ADORA2A: variants seen among roughly 807,000 people sequenced by gnomAD.
The protein encoded by ADORA2A is adenosine A2a receptor, also known as adenosine receptor A2a.
A neutral mutation model predicts 18.4 loss-of-function variants in ADORA2A; 11 were observed. That is an observed-to-expected ratio of 0.60 (90% CI 0.38 to 0.99). The LOEUF is 0.99. ADORA2A is among the 50% of genes least tolerant of loss of function. The pLI, the probability that ADORA2A is intolerant of heterozygous loss-of-function variation, is 0.01. For synonymous variants in ADORA2A, 218 were observed against 237.3 expected (o/e 0.92, Z 0.75); for missense variants, 449 against 556.1 (o/e 0.81, Z 1.94).
chr22:24,432,233 G>T (rs547397949), intron 1 of ADORA2A: 1 of 152,802 alleles, frequency 6.5e-6, no homozygotes, highest in Non-Finnish European at 1.5e-5. Flanking sequence ...TGGAGGCAGC[G>T]GGTTCGGGCG....
rs2043091565 is a variant in ADORA2A, at chr22:24,433,374, TC to T, written c.-29del. ...GGACCGTGAGCTGGCCCAGCCCGCGTCCGTGCTGAGCCTGCCTGTCGTCTGT... is the reference window on the plus strand; with the variant it reads ...GGACCGTGAGCTGGCCCAGCCCGCGTCGTGCTGAGCCTGCCTGTCGTCTGT... On this transcript the variant is annotated 5_prime_UTR_variant, in exon 2 of 3. An upstream open reading frame in the 5' UTR gains an earlier in-frame stop. Coordinates refer to ENST00000337539, the MANE Select transcript of ADORA2A (RefSeq NM_000675.6). 1 of 1,569,902 alleles carries T rather than the reference TC, an allele frequency of 6.4e-7. No homozygotes were observed. The highest frequency in any genetic ancestry group is 1.1e-5 in the South Asian group (1 of 87,958).
intron 2 of ADORA2A, chr22:24,438,230 C>T (rs1440839462): frequency 2.6e-5 from 4 of 152,324 alleles, no homozygotes; most frequent in Non-Finnish European, 5.9e-5. Context: ...GACAGGTCCA[C>T]GACTTGGTCC....
Position 24,441,222 on chromosome 22 carries a change from G to A in ADORA2A, c.972G>A (p.Leu324=), listed in dbSNP as rs2043332069. The change falls in exon 3 of 3, where the codon TTG becomes TTA. Residue 324 remains leucine, a synonymous_variant. Coordinates refer to ENST00000337539, the MANE Select transcript of ADORA2A (RefSeq NM_000675.6). ...CAGCTGGCACCAGTGCCCGGGTCTT[G>A]GCAGCTCATGGCAGTGACGGAGAGC... The part of the protein sequence containing the change: ...FKAAGTSARV[L]AAHGSDGEQV... 7 of 1,613,778 alleles carry A rather than the reference G, an allele frequency of 4.3e-6. No homozygotes were observed. In the East Asian group the frequency reaches 1.6e-4, roughly 36 times the overall value.
At chr22:24,428,898 C>G (rs1468829975) in intron 1 of ADORA2A, among the ~76,000 whole-genome samples, 1 of 152,208 alleles carries the variant, frequency 6.6e-6, no homozygotes, top group Non-Finnish European at 1.5e-5. Flanking sequence ...TTTGGCCCAG[C>G]AGTTGGGGTG....
In ADORA2A at chr22:24,439,072, C is replaced by CTTTTTTTTTTTTT. The variant is rs3032740; in HGVS notation, c.333-1494_333-1482dup. On this transcript the variant is annotated intron_variant, in intron 2 of 2. Transcript: ENST00000337539. Reference sequence around the variant, plus strand: ...GTAGAGCACATCCTTCCCCTTGCACCTTTTTTTTTTTTTTTTTTTTTTTTT... The same window carrying CTTTTTTTTTTTTT: ...GTAGAGCACATCCTTCCCCTTGCACCTTTTTTTTTTTTTTTTTTTTTTTTTTTTTTTTTTTTTT... Among the ~76,000 whole-genome samples, 35 of 73,102 alleles carry CTTTTTTTTTTTTT rather than the reference C, an allele frequency of 4.8e-4. 6 individuals carry two copies. Among genetic ancestry groups the CTTTTTTTTTTTTT allele is most frequent in the South Asian group, 6.8e-4 (1 of 1,478 alleles). The allele number at this position is 73,102 out of a possible 152,430, so 48.0% of individuals were successfully genotyped here.
upstream of ADORA2A, chr22:24,423,771 G>GA: frequency 6.6e-6 from 1 of 152,288 alleles, no homozygotes; most frequent in East Asian, 1.9e-4. Flanking sequence ...GTCCTTCCAG[G>GA]ATCGCCTGCG....
At chr22:24,433,804 C>A (rs2043107275) in intron 2 of ADORA2A, 68 bp downstream of exon 2, 2 of 1,498,576 alleles carry the variant, frequency 1.3e-6, no homozygotes, top group Non-Finnish European at 9.0e-7. Flanking sequence ...GTGCCCGGAG[C>A]CAGGGTGAGC....
rs1406190903 is a variant in ADORA2A, at chr22:24,440,837, T to C, written c.587T>C (p.Val196Ala). ...GTGCCCCTGCTGCTCATGCTGGGTG[T>C]CTATTTGCGGATCTTCCTGGCGGCG... ...VLVPLLLMLG[V>A]YLRIFLAARR... The change falls in exon 3 of 3, where the codon GTC (valine) becomes GCC (alanine). Residue 196 changes from valine (V) to alanine (A), a missense_variant. Transcript: ENST00000337539. 6 of 1,614,036 alleles carry C rather than the reference T, an allele frequency of 3.7e-6. No homozygotes were observed. The highest frequency in any genetic ancestry group is 4.2e-6 in the Non-Finnish European group (5 of 1,180,038).
chr22:24,429,896 C>G (rs991874953), intron 1 of ADORA2A: 1 of 152,314 alleles, frequency 6.6e-6, no homozygotes, highest in Non-Finnish European at 1.5e-5. Context: ...TCGTGGCCAG[C>G]TGACTCTGTG....
intron 1 of ADORA2A, among the ~76,000 whole-genome samples, chr22:24,428,275 G>A (rs1027970026): frequency 3.3e-5 from 5 of 152,206 alleles, no homozygotes; most frequent in Admixed American, 6.5e-5. Context: ...CCGAGCTCCC[G>A]CAAGCCACTT....
rs1335189410 is a variant in ADORA2A at position 24,433,132 on chromosome 22, T to C, written c.-273T>C. The C allele has an allele frequency of 1.6e-5, 9 of 559,214 alleles. No homozygotes were observed. Among genetic ancestry groups the C allele is most frequent in the South Asian group, 2.2e-5 (1 of 45,392 alleles). 34.6% of individuals were successfully genotyped at this position (559,214 alleles called of 1,614,324 possible). A position where few individuals can be genotyped will look rare whatever the true frequency, so the allele number is the denominator to read the frequency against. The stretch of plus-strand genomic sequence containing the variant: ...TTCTCATCGGCTGTCCCTTTGCAGG[T>C]GCCTCAGGAACCCTGAAGCTGGGCT... On this transcript the variant is annotated splice_region_variant and 5_prime_UTR_variant, in exon 2 of 3. Transcript: ENST00000337539.
At chr22:24,429,593 C>T (rs2042977140) in intron 1 of ADORA2A, 1 of 152,262 alleles carries the variant, frequency 6.6e-6, no homozygotes, top group African/African-American at 2.4e-5. Flanking sequence ...GGGAGGGGAG[C>T]TGGAGGCCCA....
At chr22:24,434,541 GTCAGAGGCCTTCTGC>G (rs1000221784) in intron 2 of ADORA2A, among the ~76,000 whole-genome samples, 3 of 152,218 alleles carry the variant, frequency 2.0e-5, no homozygotes, top group African/African-American at 7.2e-5. Flanking sequence ...CCTTGGGGAC[GTCAGAGGCCTTCTGC>G]CCCACCTCCT....
intron 1 of ADORA2A, chr22:24,431,502 G>A (rs2043035316): frequency 4.4e-6 from 2 of 456,742 alleles, no homozygotes; most frequent in Non-Finnish European, 8.8e-6. Context: ...CCTTTGAACA[G>A]GGCTCAGGAC....
chr22:24,433,840 G>C (rs2043108536), intron 2 of ADORA2A, 104 bp downstream of exon 2: 1 of 1,339,184 alleles, frequency 7.5e-7, no homozygotes, highest in Non-Finnish European at 1.0e-6. Context: ...GGTCTGCAGT[G>C]TCAGCATGGT....
At chr22:24,435,826 C>T (rs979318018) in intron 2 of ADORA2A, among the ~76,000 whole-genome samples, 6 of 152,200 alleles carry the variant, frequency 3.9e-5, no homozygotes, top group African/African-American at 1.4e-4. Flanking sequence ...TAGTTCCACC[C>T]AGACCTTGAG....
rs745417301 is a variant in ADORA2A at position 24,441,389 on chromosome 22, T to TC, written c.1142dup (p.Asp382ArgfsTer6). ...CAAGAGTCCCAGGGGAACACGGGCC[T>TC]CCCAGACGTGGAGCTCCTTAGCCAT... On this transcript the variant is annotated frameshift_variant, in exon 3 of 3. Transcript: ENST00000337539. LOFTEE classifies it low-confidence loss of function (END_TRUNC). 2 of 1,566,980 alleles carry TC rather than the reference T, an allele frequency of 1.3e-6. No individual in the cohort carries two copies. Among genetic ancestry groups the TC allele is most frequent in the South Asian group, 2.4e-5 (2 of 83,026 alleles).
intron 2 of ADORA2A, among the ~76,000 whole-genome samples, chr22:24,435,493 T>C (rs1366635525): frequency 6.6e-6 from 1 of 152,224 alleles, no homozygotes; most frequent in Non-Finnish European, 1.5e-5. Context: ...TTTTTTTCTC[T>C]TTTGTCTCTC....
chr22:24,441,119 A>T lies in ADORA2A; in HGVS notation c.869A>T (p.Tyr290Phe), dbSNP rs202222894. The change falls in exon 3 of 3, where the codon TAC becomes TTC. Residue 290 changes from tyrosine (Y) to phenylalanine (F), a missense_variant. Coordinates refer to ENST00000337539, the MANE Select transcript of ADORA2A (RefSeq NM_000675.6). Reference sequence around the variant, plus strand: ...GTTGTGAATCCCTTCATCTACGCCTACCGTATCCGCGAGTTCCGCCAGACC... The same window carrying T: ...GTTGTGAATCCCTTCATCTACGCCTTCCGTATCCGCGAGTTCCGCCAGACC... ...NSVVNPFIYA[Y>F]RIREFRQTFR... 2.8e-5 allele frequency: 45 copies of T among 1,614,008 alleles called. No individual in the cohort carries two copies. The highest frequency in any genetic ancestry group is 3.5e-5 in the Non-Finnish European group (41 of 1,180,040).
Sources: allele counts gnomAD v4.1 joint callset (sites outside exome capture counted in the v4.1 genomes callset), GRCh38; gene constraint gnomAD v4.1.1; transcripts MANE v1.5; gene names NCBI Gene and HGNC (gene_info 2026-07-23, HGNC 2026-07-21).